NXN: variants seen among roughly 807,000 people sequenced by gnomAD.
NXN encodes nucleoredoxin 1.
In NXN, 16 loss-of-function variants were observed where a neutral mutation model predicts 48.6. The observed-to-expected ratio is 0.33, with a 90% CI of 0.22 to 0.50. The LOEUF is 0.50. NXN is among the 20% of genes least tolerant of loss of function. The pLI, the probability that NXN is intolerant of heterozygous loss-of-function variation, is 0.98. For missense variants in NXN, 492 were observed against 605.5 expected (o/e 0.81, Z 1.97); for synonymous variants, 281 against 269.6 (o/e 1.04, Z -0.41).
At chr17:877,213 T>A (rs947180535) in intron 1 of NXN, among the ~76,000 whole-genome samples, 1 of 151,806 alleles carries the variant, frequency 6.6e-6, no homozygotes. Context: ...AGTGGCATGA[T>A]CTCGGCTCAC....
At chr17:858,326 A>C (rs976664966) in intron 1 of NXN, among the ~76,000 whole-genome samples, 4 of 152,118 alleles carry the variant, frequency 2.6e-5, no homozygotes, top group Non-Finnish European at 5.9e-5. Context: ...GCCTAAATCT[A>C]AATTTTTAAA....
intron 1 of NXN, among the ~76,000 whole-genome samples, chr17:872,672 G>A (rs556893514): frequency 7.1e-6 from 1 of 141,450 alleles, no homozygotes; most frequent in East Asian, 2.1e-4. Context: ...CCAGACTGGA[G>A]TGTGATGGTG....
At chr17:960,658 A>G (rs2069225635) in intron 1 of NXN, among the ~76,000 whole-genome samples, 4 of 151,884 alleles carry the variant, frequency 2.6e-5, no homozygotes, top group African/African-American at 9.7e-5. Context: ...TTTTATTTTT[A>G]GCAGAAACAA....
At position 800,651 on chromosome 17, in the gene NXN, C is replaced by T; in HGVS notation, c.*298G>A. The T allele has an allele frequency of 4.5e-6, 1 of 220,246 alleles. No homozygotes were observed. The highest frequency in any genetic ancestry group is 1.8e-4 in the South Asian group (1 of 5,570). The allele number at this position is 220,246 out of a possible 1,614,324, so 13.6% of individuals were successfully genotyped here. On this transcript the variant is annotated 3_prime_UTR_variant, in exon 8 of 8. Transcript: ENST00000336868. ...GCTCACTCTGCCCAGGACACCCTGG[C>T]AGATCCTTCACCAAAAGCTAGTGAC...
At position 870,945 on chromosome 17, in the gene NXN, G is replaced by A. The variant is rs567181699; in HGVS notation, c.361-44867C>T. 2.3e-3 allele frequency among the ~76,000 whole-genome samples: 354 copies of A among 151,744 alleles called. 2 individuals carry two copies. Among genetic ancestry groups the A allele is most frequent in the African/African-American group, 8.3e-3 (345 of 41,398 alleles). ...GCGATCTCAGTTCACTACAAGCTCC[G>A]CCTCCCGGGTTCACACCATTCTCCT... On this transcript the variant is annotated intron_variant, in intron 1 of 7. Coordinates refer to ENST00000336868, the MANE Select transcript of NXN (RefSeq NM_022463.5).
intron 1 of NXN, among the ~76,000 whole-genome samples, chr17:884,220 C>CAAAA (rs1555618336): frequency 8.2e-6 from 1 of 122,064 alleles, no homozygotes; most frequent in African/African-American, 3.5e-5. Context: ...GACTCTGACT[C>CAAAA]AAAAAATAAA....
chr17:893,532 C>T (rs1331636053), intron 1 of NXN, among the ~76,000 whole-genome samples: 1 of 152,142 alleles, frequency 6.6e-6, no homozygotes, highest in African/African-American at 2.4e-5. Context: ...GGAAGCATCT[C>T]AACGCCTGGA....
At chr17:872,663 C>G (rs1360349845) in intron 1 of NXN, among the ~76,000 whole-genome samples, 1 of 139,698 alleles carries the variant, frequency 7.2e-6, no homozygotes, top group African/African-American at 2.8e-5. Flanking sequence ...TCTTGTTGCC[C>G]AGACTGGAGT....
chr17:842,456 G>C (rs555772101), intron 1 of NXN: 1 of 946,336 alleles, frequency 1.1e-6, no homozygotes, highest in Admixed American at 6.2e-5. Flanking sequence ...GATCCCGGCG[G>C]GGAAGGCCAC....
chr17:811,965 T>C (rs1296504497), intron 5 of NXN, among the ~76,000 whole-genome samples: 3 of 135,878 alleles, frequency 2.2e-5, no homozygotes, highest in African/African-American at 8.7e-5. Flanking sequence ...TCTCGCTCTG[T>C]CGCCCAGGCT....
In NXN at chr17:950,615, G is replaced by A. The variant is rs746175217; in HGVS notation, c.360+28704C>T. Among the ~76,000 whole-genome samples the A allele has an allele frequency of 1.1e-4, 17 of 152,138 alleles. 1 individual carries two copies. Among genetic ancestry groups the A allele is most frequent in the Admixed American group, 2.6e-4 (4 of 15,268 alleles). On this transcript the variant is annotated intron_variant, in intron 1 of 7. Transcript: ENST00000336868. ...GGCCAGCACAGTCATTTCATCCCCC[G>A]TCCGTTCCCCAAAAGCAAAGCCAGA...
At chr17:819,181 A>G (rs1469667433) in intron 5 of NXN, 1 of 470,334 alleles carries the variant, frequency 2.1e-6, no homozygotes, top group East Asian at 4.2e-5. Context: ...TCCTGAGCTC[A>G]GGTGATCCAC....
chr17:812,582 CGTGT>C (rs763259380), intron 5 of NXN, among the ~76,000 whole-genome samples: 8 of 151,804 alleles, frequency 5.3e-5, no homozygotes, highest in Admixed American at 2.0e-4. Context: ...TGTGTGTGCA[CGTGT>C]GTGTGATGGC....
Position 819,422 on chromosome 17 carries a change from G to C in NXN, c.820+17C>G. Reference sequence around the variant, plus strand: ...GGTTTCCAGGAGCCACACGGAGCCGGGGCCTGGAGCGCCTACCTTGGATTC... The same window carrying C: ...GGTTTCCAGGAGCCACACGGAGCCGCGGCCTGGAGCGCCTACCTTGGATTC... On this transcript the variant is annotated intron_variant, in intron 5 of 7. Coordinates refer to ENST00000336868, the MANE Select transcript of NXN (RefSeq NM_022463.5). 1 of 1,605,224 alleles carries C rather than the reference G, an allele frequency of 6.2e-7. No individual in the cohort carries two copies. The highest frequency in any genetic ancestry group is 8.5e-7 in the Non-Finnish European group (1 of 1,172,024).
rs998363201 is a variant in NXN, at chr17:942,355, T to C, written c.360+36964A>G. Among the ~76,000 whole-genome samples the C allele has an allele frequency of 3.0e-4, 9 of 30,384 alleles. 1 individual carries two copies. The highest frequency in any genetic ancestry group is 7.4e-5 in the Non-Finnish European group (1 of 13,456). 19.9% of individuals were successfully genotyped at this position (30,384 alleles called of 152,430 possible). A position where few individuals can be genotyped will look rare whatever the true frequency, so the allele number is the denominator to read the frequency against. On this transcript the variant is annotated intron_variant, in intron 1 of 7. Transcript: ENST00000336868. The stretch of plus-strand genomic sequence containing the variant: ...TGAACAAGATTCCAGGGTGCAGCCA[T>C]GAACTCACATCACACCTTCCTGGAT...
chr17:806,917 C>T (rs1198282641), intron 5 of NXN, among the ~76,000 whole-genome samples: 1 of 125,964 alleles, frequency 7.9e-6, no homozygotes, highest in Non-Finnish European at 1.6e-5. Flanking sequence ...CACACACACT[C>T]ACATACACAC....
At chr17:812,899 T>G in intron 5 of NXN, among the ~76,000 whole-genome samples, 1 of 147,578 alleles carries the variant, frequency 6.8e-6, no homozygotes, top group Non-Finnish European at 1.5e-5. Context: ...AATGTAGGTG[T>G]GTGCATGTGT....
intron 1 of NXN, among the ~76,000 whole-genome samples, chr17:875,533 G>C (rs2068204244): frequency 6.6e-6 from 1 of 152,106 alleles, no homozygotes; most frequent in South Asian, 2.1e-4. Flanking sequence ...ACACACTTAA[G>C]AGCAGAAGAT....
At chr17:862,019 C>T (rs1473013949) in intron 1 of NXN, among the ~76,000 whole-genome samples, 6 of 151,956 alleles carry the variant, frequency 3.9e-5, no homozygotes, top group Non-Finnish European at 5.9e-5. Context: ...TTGATGGAGA[C>T]GGGGTTTCAC....
Sources: allele counts gnomAD v4.1 joint callset (sites outside exome capture counted in the v4.1 genomes callset), GRCh38; gene constraint gnomAD v4.1.1; transcripts MANE v1.5; gene names NCBI Gene and HGNC (gene_info 2026-07-23, HGNC 2026-07-21).